LRMDA: variants seen among roughly 807,000 people sequenced by gnomAD.
The protein encoded by LRMDA is leucine-rich melanocyte differentiation-associated protein.
Under a neutral mutation model 29.8 loss-of-function variants are expected in LRMDA, and 18 were observed. The ratio of observed to expected loss-of-function variants is 0.60; its 90% CI spans 0.42 to 0.90. The LOEUF (loss-of-function observed/expected upper bound fraction) is 0.90, where lower values mean the gene tolerates loss of function less well. LRMDA is among the 40% of genes least tolerant of loss of function. The probability of loss-of-function intolerance (pLI) is 0.00; values close to 1 mark genes in which losing one functional copy is unlikely to be tolerated. For missense variants in LRMDA, 273 were observed against 273.9 expected (o/e 1.00, Z 0.02); for synonymous variants, 125 against 109.4 (o/e 1.14, Z -0.89).
intron 2 of LRMDA, among the ~76,000 whole-genome samples, chr10:75,880,160 A>G (rs1845270524): frequency 6.6e-6 from 1 of 152,208 alleles, no homozygotes; most frequent in Non-Finnish European, 1.5e-5. Context: ...GTTAAAACCC[A>G]ATATATGGAA....
intron 5 of LRMDA, among the ~76,000 whole-genome samples, chr10:76,210,075 T>G (rs1340424230): frequency 6.6e-6 from 1 of 152,218 alleles, no homozygotes; most frequent in Non-Finnish European, 1.5e-5. Flanking sequence ...GCACCGGGAA[T>G]GAGACAGGCA....
rs559837398 is a variant in LRMDA at position 75,433,621 on chromosome 10, G to C, written c.30+1867G>C. Among the ~76,000 whole-genome samples the C allele has an allele frequency of 2.4e-4, 36 of 152,260 alleles. No homozygotes were observed. The East Asian group carries it at 6.8e-3, about 29-fold the overall frequency. On this transcript the variant is annotated intron_variant, in intron 1 of 6. Coordinates refer to ENST00000611255, the MANE Select transcript of LRMDA (RefSeq NM_001305581.2). ...CTAATGGCGGCCGCTTTAAGAGGTA[G>C]CACCTTGGATGTGGGTAGCATGGAA...
intron 2 of LRMDA, among the ~76,000 whole-genome samples, chr10:75,938,305 C>T (rs971179091): frequency 2.6e-5 from 4 of 152,150 alleles, no homozygotes; most frequent in South Asian, 2.1e-4. Flanking sequence ...AAATTTGCCA[C>T]GTTACCTCCT....
At chr10:75,732,926 C>G (rs896377359) in intron 2 of LRMDA, among the ~76,000 whole-genome samples, 5 of 152,118 alleles carry the variant, frequency 3.3e-5, no homozygotes, top group Non-Finnish European at 7.4e-5. Context: ...GAAGCAGTCT[C>G]CTTGCTCAGG....
At chr10:76,447,447 C>T (rs1564544277) in intron 6 of LRMDA, among the ~76,000 whole-genome samples, 1 of 152,088 alleles carries the variant, frequency 6.6e-6, no homozygotes, top group Non-Finnish European at 1.5e-5. Context: ...GTTGCTTGCT[C>T]ATCTAGAGTG....
intron 2 of LRMDA, among the ~76,000 whole-genome samples, chr10:75,746,241 A>C (rs1842888869): frequency 6.6e-6 from 1 of 152,216 alleles, no homozygotes; most frequent in African/African-American, 2.4e-5. Flanking sequence ...TTACGTAAAT[A>C]ATTTAATTTC....
intron 2 of LRMDA, among the ~76,000 whole-genome samples, chr10:75,763,219 A>G (rs536293079): frequency 1.3e-5 from 2 of 152,354 alleles, no homozygotes; most frequent in Admixed American, 1.3e-4. Flanking sequence ...AATATAGTGA[A>G]TAAGAAAATT....
intron 2 of LRMDA, among the ~76,000 whole-genome samples, chr10:75,734,225 T>C (rs1313255870): frequency 6.6e-6 from 1 of 152,128 alleles, no homozygotes; most frequent in Non-Finnish European, 1.5e-5. Flanking sequence ...AGAAAAAAAT[T>C]AAACAATAAT....
intron 2 of LRMDA, among the ~76,000 whole-genome samples, chr10:75,539,961 G>A (rs1041690977): frequency 1.3e-5 from 2 of 152,114 alleles, no homozygotes; most frequent in African/African-American, 4.8e-5. Flanking sequence ...GGGGTTAAAG[G>A]TTATTAACAG....
At chr10:75,582,684 T>G (rs1840609589) in intron 2 of LRMDA, among the ~76,000 whole-genome samples, 1 of 152,230 alleles carries the variant, frequency 6.6e-6, no homozygotes, top group African/African-American at 2.4e-5. Flanking sequence ...TTATGCAAAT[T>G]TCTGCAGCCT....
chr10:76,040,892 C>T (rs138904065), intron 3 of LRMDA, among the ~76,000 whole-genome samples: 26 of 152,270 alleles, frequency 1.7e-4, no homozygotes, highest in Non-Finnish European at 2.9e-4. Flanking sequence ...AGTGCCAGCA[C>T]GAAGAAAGAA....
At chr10:76,516,438 C>T (rs1034151186) in intron 6 of LRMDA, among the ~76,000 whole-genome samples, 20 of 152,054 alleles carry the variant, frequency 1.3e-4, no homozygotes, top group Non-Finnish European at 2.8e-4. Context: ...TGGTGTGCTG[C>T]ACCCATTAAC....
chr10:76,129,398 A>G lies in LRMDA; in HGVS notation c.516+70615A>G, dbSNP rs78959558. 6.9e-3 allele frequency among the ~76,000 whole-genome samples: 1,055 copies of G among 152,314 alleles called. 28 individuals carry two copies. Among genetic ancestry groups the G allele is most frequent in the East Asian group, 0.057 (295 of 5,164 alleles). The stretch of plus-strand genomic sequence containing the variant: ...GCCCAAATTGCCATCTCCAGTGGGT[A>G]GAAGACTATTTATAGCTCCCACTGC... On this transcript the variant is annotated intron_variant, in intron 5 of 6. Transcript: ENST00000611255.
chr10:75,779,736 G>A lies in LRMDA; in HGVS notation c.132-256272G>A, dbSNP rs183565719. Among the ~76,000 whole-genome samples the A allele has an allele frequency of 6.5e-4, 99 of 152,324 alleles. 2 individuals are homozygous for A. The highest frequency in any genetic ancestry group is 2.7e-3 in the South Asian group (13 of 4,822). The stretch of plus-strand genomic sequence containing the variant: ...TTGTAGTGACTCAGGGATCTGGCTG[G>A]ATGAAGGCTCTGGCATCTTGTGGCT... On this transcript the variant is annotated intron_variant, in intron 2 of 6. Transcript: ENST00000611255.
chr10:76,547,436 A>G (rs1843434369), intron 6 of LRMDA, among the ~76,000 whole-genome samples: 1 of 152,184 alleles, frequency 6.6e-6, no homozygotes, highest in South Asian at 2.1e-4. Context: ...TAAGGAACCT[A>G]TAATTGGTGA....
At chr10:76,443,679 A>T (rs1414362194) in intron 6 of LRMDA, among the ~76,000 whole-genome samples, 2 of 152,202 alleles carry the variant, frequency 1.3e-5, no homozygotes, top group East Asian at 3.8e-4. Flanking sequence ...TAGACATGGT[A>T]GGTGAGATTT....
chr10:75,663,975 G>C (rs1841788576), intron 2 of LRMDA, among the ~76,000 whole-genome samples: 2 of 152,130 alleles, frequency 1.3e-5, no homozygotes, highest in Non-Finnish European at 2.9e-5. Context: ...GGAGAGTAGG[G>C]TATACAGTCT....
chr10:75,503,333 G>A (rs1414998527), intron 2 of LRMDA, among the ~76,000 whole-genome samples: 1 of 152,144 alleles, frequency 6.6e-6, no homozygotes, highest in Non-Finnish European at 1.5e-5. Context: ...GGGTGTTGTG[G>A]CTTCTCATGC....
In LRMDA at chr10:76,226,088, G is replaced by A. The variant is rs577123511; in HGVS notation, c.517-98313G>A. On this transcript the variant is annotated intron_variant, in intron 5 of 6. Coordinates refer to ENST00000611255, the MANE Select transcript of LRMDA (RefSeq NM_001305581.2). ...TTTTTATGGCTGCATAGTATTCCAT[G>A]GTGTATATGTGCCACATTTTCTTAA... is the stretch of plus-strand genomic sequence containing the variant. Among the ~76,000 whole-genome samples, 559 of 152,054 alleles carry A rather than the reference G, an allele frequency of 3.7e-3. 2 individuals carry two copies. Among genetic ancestry groups the A allele is most frequent in the African/African-American group, 0.013 (533 of 41,462 alleles).
Sources: gnomAD v4.1 joint callset for allele counts (sites outside exome capture counted in the v4.1 genomes callset) on GRCh38, gnomAD v4.1.1 for gene constraint, MANE v1.5 for transcripts, NCBI Gene and HGNC (gene_info 2026-07-23, HGNC 2026-07-21) for gene names.